The following MYT1L variants were observed in gnomAD, a reference collection of about 807,000 sequenced individuals.
MYT1L encodes the protein myelin transcription factor 1-like protein.
In MYT1L, 12 loss-of-function variants were observed where a neutral mutation model predicts 126.7. The observed-to-expected ratio is 0.09, with a 90% confidence interval of 0.06 to 0.15. The LOEUF is 0.15. Ranked by LOEUF, MYT1L falls within the 10% of genes least tolerant of loss-of-function variation. The pLI is 1.00. For synonymous variants in MYT1L, 541 were observed against 604.2 expected (o/e 0.90, Z 1.53); for missense variants, 979 against 1,585.2 (o/e 0.62, Z 6.49).
intron 1 of MYT1L, among the ~76,000 whole-genome samples, chr2:2,300,494 C>T (rs2095765772): frequency 1.3e-5 from 2 of 152,224 alleles, no homozygotes; most frequent in African/African-American, 4.8e-5. Context: ...TCTCTCTTTA[C>T]ATCTCATTAG....
intron 22 of MYT1L, among the ~76,000 whole-genome samples, chr2:1,805,519 AG>A (rs1466834814): frequency 6.6e-6 from 1 of 152,246 alleles, no homozygotes; most frequent in African/African-American, 2.4e-5. Flanking sequence ...TGGGAGGCTG[AG>A]GTGGGCAGAT....
At chr2:1,897,030 C>T (rs1195278425) in intron 14 of MYT1L, among the ~76,000 whole-genome samples, 1 of 152,186 alleles carries the variant, frequency 6.6e-6, no homozygotes, top group Admixed American at 6.5e-5. Context: ...TAGTCGGTGA[C>T]TGAACTGTCA....
At chr2:2,272,578 A>T (rs2095284811) in intron 2 of MYT1L, among the ~76,000 whole-genome samples, 1 of 152,216 alleles carries the variant, frequency 6.6e-6, no homozygotes, top group African/African-American at 2.4e-5. Context: ...ACAGGAACAA[A>T]ATAAACAGCT....
intron 4 of MYT1L, among the ~76,000 whole-genome samples, chr2:2,033,731 GGCAATCCCCA>G (rs2066672455): frequency 6.6e-6 from 1 of 152,174 alleles, no homozygotes; most frequent in Admixed American, 6.5e-5. Flanking sequence ...GACGGTGATT[GGCAATCCCCA>G]GCTGTTTTGT....
At position 1,917,086 on chromosome 2, in the gene MYT1L, C is replaced by T. The variant is rs1405678310; in HGVS notation, c.1618+119G>A. 4 of 1,272,796 alleles carry T rather than the reference C, an allele frequency of 3.1e-6. No individual in the cohort carries two copies. Among genetic ancestry groups the T allele is most frequent in the Non-Finnish European group, 4.3e-6 (4 of 929,584 alleles). The allele number at this position is 1,272,796 out of a possible 1,614,324, so 78.8% of individuals were successfully genotyped here. A position where few individuals can be genotyped will look rare whatever the true frequency, so the allele number is the denominator to read the frequency against. ...AGTTGCCCATCAAGTTAAGTAGGGGCCTAGTTAAATCAGGTCGCACCGAGC... is the reference window on the plus strand; with the variant it reads ...AGTTGCCCATCAAGTTAAGTAGGGGTCTAGTTAAATCAGGTCGCACCGAGC... On this transcript the variant is annotated intron_variant, in intron 11 of 24. Coordinates refer to ENST00000647738, the MANE Select transcript of MYT1L (RefSeq NM_001303052.2). The surrounding 1 kb of genome is among the most constrained non-coding windows in gnomAD (Gnocchi z 5.9).
chr2:1,827,959 C>G (rs930487270), intron 21 of MYT1L: 2 of 152,162 alleles, frequency 1.3e-5, no homozygotes, highest in Non-Finnish European at 2.9e-5. Context: ...CTGTGGACGC[C>G]CTGCGCCCTG....
chr2:2,324,882 T>C (rs191963384), intron 1 of MYT1L: 1 of 152,422 alleles, frequency 6.6e-6, no homozygotes, highest in African/African-American at 2.4e-5. Context: ...CAGCTGTGGA[T>C]TAAACCAGTA....
At chr2:2,047,565 T>C (rs1378781387) in intron 4 of MYT1L, among the ~76,000 whole-genome samples, 1 of 152,230 alleles carries the variant, frequency 6.6e-6, no homozygotes, top group Non-Finnish European at 1.5e-5. Context: ...GTATGAGGCT[T>C]AGCATATTGA....
chr2:2,004,147 G>GTTCTTTCCTGTGTGCC (rs1313990677), intron 4 of MYT1L, among the ~76,000 whole-genome samples: 4 of 143,630 alleles, frequency 2.8e-5, no homozygotes, highest in Non-Finnish European at 4.5e-5. Context: ...TCCTGCATAC[G>GTTCTTTCCTGTGTGCC]TTCTTTCCTG....
At chr2:2,105,806 T>C (rs965834198) in intron 3 of MYT1L, among the ~76,000 whole-genome samples, 5 of 152,188 alleles carry the variant, frequency 3.3e-5, no homozygotes, top group Admixed American at 3.3e-4. Context: ...CTGAACAAAT[T>C]ACCTTATGAA....
At chr2:2,314,689 C>T (rs2096034109) in intron 1 of MYT1L, among the ~76,000 whole-genome samples, 1 of 152,108 alleles carries the variant, frequency 6.6e-6, no homozygotes, top group Non-Finnish European at 1.5e-5. Flanking sequence ...CATGTATTAG[C>T]TATTTATCAC....
intron 3 of MYT1L, among the ~76,000 whole-genome samples, chr2:2,102,958 A>G (rs2078280655): frequency 6.6e-6 from 1 of 152,130 alleles, no homozygotes; most frequent in African/African-American, 2.4e-5. Flanking sequence ...AAAGCCTTGA[A>G]ATCCCTGTGA....
chr2:1,816,574 C>G (rs1278843876), intron 21 of MYT1L: 2 of 152,898 alleles, frequency 1.3e-5, no homozygotes, highest in Non-Finnish European at 2.9e-5. Flanking sequence ...CCAGCAAATA[C>G]TTTCACAGCT....
rs1572389264 is a variant in MYT1L, at chr2:1,804,832, G to A, written c.3173-3033C>T. 3.9e-5 allele frequency among the ~76,000 whole-genome samples: 6 copies of A among 152,264 alleles called. No homozygotes were observed. In the Middle Eastern group the frequency reaches 0.01, roughly 259 times the overall value. ...AAGTAGGTGAAGTTCCTGACAAAGC[G>A]CTTCATGTTTTCAGGGCTTGATGGA... On this transcript the variant is annotated intron_variant, in intron 22 of 24. Transcript: ENST00000647738.
chr2:2,065,629 T>G (rs2071146760), intron 3 of MYT1L, among the ~76,000 whole-genome samples: 1 of 152,194 alleles, frequency 6.6e-6, no homozygotes, highest in South Asian at 2.1e-4. Context: ...CCCGCACTTC[T>G]CAGTGAGCGT....
chr2:2,185,339 T>C lies in MYT1L; in HGVS notation c.-420-12351A>G, dbSNP rs570952785. ...GTACTGTGTGGTTTTTGTTACTTCCTTGTATTTTAATAGCTCTGTTCAAAT... is the reference window on the plus strand; with the variant it reads ...GTACTGTGTGGTTTTTGTTACTTCCCTGTATTTTAATAGCTCTGTTCAAAT... On this transcript the variant is annotated intron_variant, in intron 2 of 24. Coordinates refer to ENST00000647738, the MANE Select transcript of MYT1L (RefSeq NM_001303052.2). Among the ~76,000 whole-genome samples, 10 of 152,360 alleles carry C rather than the reference T, an allele frequency of 6.6e-5. No homozygotes were observed. In the South Asian group the frequency reaches 8.3e-4, roughly 13 times the overall value.
chr2:2,236,799 CTT>C (rs2094326680), intron 2 of MYT1L, among the ~76,000 whole-genome samples: 2 of 17,638 alleles, frequency 1.1e-4, no homozygotes, highest in Non-Finnish European at 1.7e-4. Flanking sequence ...TCTTCTTCTT[CTT>C]CTTCTTCTTC....
chr2:2,100,715 C>A (rs1470818085), intron 3 of MYT1L, among the ~76,000 whole-genome samples: 1 of 152,114 alleles, frequency 6.6e-6, no homozygotes, highest in African/African-American at 2.4e-5. Context: ...TTCTGCTAGT[C>A]CCCTGGGTAA....
rs2032105302 is a variant in MYT1L, at chr2:1,791,599, C to T, written c.*268G>A. On this transcript the variant is annotated 3_prime_UTR_variant, in exon 25 of 25. Coordinates refer to ENST00000647738, the MANE Select transcript of MYT1L (RefSeq NM_001303052.2). The surrounding 1 kb of genome is among the most constrained non-coding windows in gnomAD (Gnocchi z 6.0). ...ACCTCTTCAGAAATAGATATACCCC[C>T]AAATGTGCATACATCAGCAGCTATA... The T allele has an allele frequency of 1.4e-5, 6 of 433,746 alleles. No individual in the cohort carries two copies. Among genetic ancestry groups the T allele is most frequent in the Non-Finnish European group, 2.5e-5 (6 of 243,140 alleles). The allele number at this position is 433,746 out of a possible 1,614,324, so 26.9% of individuals were successfully genotyped here. A position where few individuals can be genotyped will look rare whatever the true frequency, so the allele number is the denominator to read the frequency against.
Sources: gnomAD v4.1 joint callset for allele counts (sites outside exome capture counted in the v4.1 genomes callset) on GRCh38, gnomAD v4.1.1 for gene constraint, Gnocchi (gnomAD v3.1) non-coding constraint, MANE v1.5 for transcripts, NCBI Gene and HGNC (gene_info 2026-07-23, HGNC 2026-07-21) for gene names.